PCDH15: variants seen among roughly 807,000 people sequenced by gnomAD.
PCDH15 encodes the protein protocadherin related 15.
A neutral mutation model predicts 178.5 loss-of-function variants in PCDH15; 129 were observed. The ratio of observed to expected loss-of-function variants is 0.72; its 90% CI spans 0.63 to 0.84. The LOEUF (loss-of-function observed/expected upper bound fraction) is 0.84. Among genes scored for constraint, PCDH15 ranks in the 40% least tolerant of loss-of-function variants. The pLI is 0.00. For synonymous variants in PCDH15, 800 were observed against 732.0 expected (o/e 1.09, Z -1.50); for missense variants, 2,230 against 2,099.9 (o/e 1.06, Z -1.21).
intron 3 of PCDH15, among the ~76,000 whole-genome samples, chr10:54,408,371 C>T (rs1952985666): frequency 1.3e-5 from 2 of 151,908 alleles, no homozygotes; most frequent in African/African-American, 4.8e-5. Context: ...AAGAATTATT[C>T]CATATATGTA....
At chr10:54,314,650 A>G (rs2061128219) in intron 8 of PCDH15, among the ~76,000 whole-genome samples, 1 of 152,048 alleles carries the variant, frequency 6.6e-6, no homozygotes, top group African/African-American at 2.4e-5. Flanking sequence ...TAAGCCCAGT[A>G]CCCAATAGTC....
At chr10:53,807,704 T>C (rs2132357986) in intron 37 of PCDH15, among the ~76,000 whole-genome samples, 1 of 152,314 alleles carries the variant, frequency 6.6e-6, no homozygotes, top group South Asian at 2.1e-4. Context: ...TGCATTTATT[T>C]ACTTGACATA....
chr10:54,092,004 C>T (rs1027590444), intron 15 of PCDH15, among the ~76,000 whole-genome samples: 2 of 152,060 alleles, frequency 1.3e-5, no homozygotes, highest in Middle Eastern at 3.2e-3. Flanking sequence ...AATAATAAGC[C>T]TCCCCAATTT....
intron 2 of PCDH15, among the ~76,000 whole-genome samples, chr10:54,935,908 A>G (rs1837894415): frequency 6.6e-6 from 1 of 152,224 alleles, no homozygotes; most frequent in African/African-American, 2.4e-5. Context: ...CTCACTATAC[A>G]ACTACCAATT....
chr10:55,180,563 G>A (rs1440696155), intron 1 of PCDH15, among the ~76,000 whole-genome samples: 2 of 152,082 alleles, frequency 1.3e-5, no homozygotes, highest in Non-Finnish European at 2.9e-5. Context: ...ATTGTCCTGA[G>A]TTATGCACCA....
At chr10:54,388,021 A>G (rs1222517460) in intron 3 of PCDH15, among the ~76,000 whole-genome samples, 1 of 152,208 alleles carries the variant, frequency 6.6e-6, no homozygotes, top group African/African-American at 2.4e-5. Flanking sequence ...TTAGTTTTAC[A>G]AGATGAATAC....
chr10:54,228,392 A>G (rs536122547), intron 9 of PCDH15, among the ~76,000 whole-genome samples: 152 of 152,258 alleles, frequency 1.0e-3, no homozygotes, highest in African/African-American at 3.1e-3. Flanking sequence ...CTATCACAAT[A>G]ACAACACAGG....
chr10:53,987,286 G>C (rs2091172463), intron 21 of PCDH15, among the ~76,000 whole-genome samples: 1 of 151,872 alleles, frequency 6.6e-6, no homozygotes, highest in African/African-American at 2.4e-5. Context: ...CAAGACTCTA[G>C]TAGTCTTTCA....
At chr10:55,243,621 T>C (rs1365925312) in intron 1 of PCDH15, among the ~76,000 whole-genome samples, 2 of 152,232 alleles carry the variant, frequency 1.3e-5, no homozygotes, top group Non-Finnish European at 2.9e-5. Context: ...TTTAAAGCCA[T>C]ATTGTGTTCT....
At chr10:54,453,947 C>T (rs970894086) in intron 3 of PCDH15, among the ~76,000 whole-genome samples, 5 of 151,782 alleles carry the variant, frequency 3.3e-5, no homozygotes, top group South Asian at 2.1e-4. Context: ...TAATTTGTTA[C>T]GGCAGCTCTA....
chr10:53,908,806 A>G (rs146158273), intron 25 of PCDH15, among the ~76,000 whole-genome samples: 2,001 of 152,348 alleles, frequency 0.013, 17 homozygotes, highest in Non-Finnish European at 0.021. Flanking sequence ...AATGATTTAT[A>G]GATTCTTCAA....
chr10:54,016,280 G>C (rs2135231906), intron 20 of PCDH15, among the ~76,000 whole-genome samples: 1 of 151,916 alleles, frequency 6.6e-6, no homozygotes, highest in East Asian at 1.9e-4. Context: ...AAAACATGCT[G>C]GTGAGGTTGA....
chr10:54,194,610 A>ATGTGTGTGTGTG (rs33956261), intron 11 of PCDH15, among the ~76,000 whole-genome samples: 92 of 150,830 alleles, frequency 6.1e-4, no homozygotes, highest in South Asian at 4.6e-3. Context: ...TTTTATATAT[A>ATGTGTGTGTGTG]TGTGTGTGTG....
intron 2 of PCDH15, among the ~76,000 whole-genome samples, chr10:55,363,282 T>C (rs1031439264): frequency 2.0e-5 from 3 of 152,202 alleles, no homozygotes; most frequent in African/African-American, 7.2e-5. Flanking sequence ...CATGAATAAA[T>C]GTATATTCAG....
chr10:54,360,823 T>C (rs1401230921), intron 5 of PCDH15, among the ~76,000 whole-genome samples: 2 of 152,080 alleles, frequency 1.3e-5, no homozygotes, highest in Non-Finnish European at 2.9e-5. Flanking sequence ...AAAGTTTGAA[T>C]AGAATAAAAA....
At chr10:54,400,938 T>G (rs1951855488) in intron 3 of PCDH15, among the ~76,000 whole-genome samples, 1 of 151,988 alleles carries the variant, frequency 6.6e-6, no homozygotes, top group Non-Finnish European at 1.5e-5. Context: ...TCATCTAGTT[T>G]GTAGTAAAGG....
At chr10:54,945,075 A>C (rs1359308222) in intron 2 of PCDH15, among the ~76,000 whole-genome samples, 1 of 151,932 alleles carries the variant, frequency 6.6e-6, no homozygotes, top group Non-Finnish European at 1.5e-5. Context: ...TCCTTCTAAC[A>C]TATTTTGCAT....
chr10:55,070,618 G>C (rs959751761), intron 2 of PCDH15, among the ~76,000 whole-genome samples: 3 of 152,092 alleles, frequency 2.0e-5, no homozygotes, highest in African/African-American at 7.2e-5. Context: ...TGAGGGCTCT[G>C]TTCTGTTCCA....
chr10:54,246,172 A>T (rs1316838139), intron 8 of PCDH15, among the ~76,000 whole-genome samples: 1 of 151,958 alleles, frequency 6.6e-6, no homozygotes, highest in East Asian at 1.9e-4. Context: ...TTTCTTATTC[A>T]AATATAAGTT....
Sources: gnomAD v4.1 joint callset for allele counts (sites outside exome capture counted in the v4.1 genomes callset) on GRCh38, gnomAD v4.1.1 for gene constraint, MANE v1.5 for transcripts, NCBI Gene and HGNC (gene_info 2026-07-23, HGNC 2026-07-21) for gene names.